Variants in TMEM117 observed in about 807,000 individuals in gnomAD.
TMEM117 encodes the protein transmembrane protein 117.
TMEM117 carries 27 observed loss-of-function variants against 52.4 expected under a neutral mutation model. That is an observed-to-expected ratio of 0.51 (90% confidence interval 0.38 to 0.71). The LOEUF (loss-of-function observed/expected upper bound fraction) is 0.71. TMEM117 is among the 30% of genes least tolerant of loss of function. The pLI, the probability that TMEM117 is intolerant of heterozygous loss-of-function variation, is 0.00. For synonymous variants in TMEM117, 215 were observed against 206.3 expected (o/e 1.04, Z -0.36); for missense variants, 556 against 630.5 (o/e 0.88, Z 1.26).
chr12:44,314,337 C>T (rs1367650866), intron 6 of TMEM117, among the ~76,000 whole-genome samples: 1 of 152,038 alleles, frequency 6.6e-6, no homozygotes, highest in Non-Finnish European at 1.5e-5. Flanking sequence ...GCCTTTTATA[C>T]TTCTATTAAG....
At chr12:43,927,220 G>GT (rs1944793369) in intron 2 of TMEM117, among the ~76,000 whole-genome samples, 1 of 151,844 alleles carries the variant, frequency 6.6e-6, no homozygotes, top group African/African-American at 2.4e-5. Flanking sequence ...TTAACATTTT[G>GT]TTACTAATTT....
chr12:43,999,111 C>G (rs530877154), intron 3 of TMEM117, among the ~76,000 whole-genome samples: 2 of 152,266 alleles, frequency 1.3e-5, no homozygotes, highest in East Asian at 3.9e-4. Flanking sequence ...TTGAAAAACA[C>G]TTTGGCAGTT....
intron 3 of TMEM117, among the ~76,000 whole-genome samples, chr12:44,075,794 A>C (rs1947373117): frequency 6.6e-6 from 1 of 152,152 alleles, no homozygotes; most frequent in African/African-American, 2.4e-5. Flanking sequence ...TTACATGAGA[A>C]TATCTAGGAG....
chr12:44,120,046 A>G (rs1948208293), intron 3 of TMEM117, among the ~76,000 whole-genome samples: 1 of 152,108 alleles, frequency 6.6e-6, no homozygotes. Context: ...TTGAAGAGAG[A>G]GAGAACTCAA....
At position 43,998,571 on chromosome 12, in the gene TMEM117, C is replaced by A. The variant is rs777388661; in HGVS notation, c.410+54229C>A. On this transcript the variant is annotated intron_variant, in intron 3 of 7. Transcript: ENST00000266534. ...ACATATCACATTTTATTTAAGAAAT[C>A]AATTCCAGATGAAGTGTAAGTCTAA... is the stretch of plus-strand genomic sequence containing the variant. Among the ~76,000 whole-genome samples the A allele has an allele frequency of 1.3e-5, 2 of 152,112 alleles. 1 individual carries two copies. The highest frequency in any genetic ancestry group is 4.1e-4 in the South Asian group (2 of 4,822).
At chr12:44,281,309 T>TA (rs1950574155) in intron 5 of TMEM117, among the ~76,000 whole-genome samples, 1 of 152,204 alleles carries the variant, frequency 6.6e-6, no homozygotes, top group South Asian at 2.1e-4. Context: ...TCTGCCTTCC[T>TA]AGCCATTATG....
chr12:44,000,660 AC>A (rs1946102396), intron 3 of TMEM117, among the ~76,000 whole-genome samples: 1 of 152,086 alleles, frequency 6.6e-6, no homozygotes, highest in Non-Finnish European at 1.5e-5. Context: ...GCCCTTGCCC[AC>A]CTCCAGAATG....
upstream of TMEM117, among the ~76,000 whole-genome samples, chr12:43,835,143 C>A (rs959490644): frequency 6.6e-6 from 1 of 152,116 alleles, no homozygotes; most frequent in Non-Finnish European, 1.5e-5. Context: ...TTTCAGCAAC[C>A]GGTAAACTGA....
chr12:43,996,997 C>T (rs1230939009), intron 3 of TMEM117, among the ~76,000 whole-genome samples: 3 of 152,162 alleles, frequency 2.0e-5, no homozygotes, highest in Admixed American at 6.5e-5. Flanking sequence ...CCTGTGATTC[C>T]AGTTGTTCTG....
the TMEM117 span, among the ~76,000 whole-genome samples, chr12:43,822,205 G>T: frequency 6.6e-6 from 1 of 152,200 alleles, no homozygotes; most frequent in Non-Finnish European, 1.5e-5. Flanking sequence ...TTGGCTTTGG[G>T]AAGACAGTTA....
intron 2 of TMEM117, among the ~76,000 whole-genome samples, chr12:43,858,980 C>T (rs2137392077): frequency 6.6e-6 from 1 of 152,028 alleles, no homozygotes; most frequent in East Asian, 1.9e-4. Context: ...TTGAAGGGGG[C>T]AAGAAGTCAA....
the TMEM117 span, chr12:43,798,581 G>T: frequency 6.6e-7 from 1 of 1,522,840 alleles, no homozygotes. Context: ...ATGATCCTCT[G>T]GGCTCTGATT....
chr12:44,278,027 G>A (rs1211882213), intron 5 of TMEM117, among the ~76,000 whole-genome samples: 1 of 152,012 alleles, frequency 6.6e-6, no homozygotes, highest in Non-Finnish European at 1.5e-5. Flanking sequence ...CTCCTAAAGT[G>A]CTGGGATTAC....
At chr12:44,211,219 T>C in intron 4 of TMEM117, 71 bp from the exon 5 acceptor site, 2 of 1,016,370 alleles carry the variant, frequency 2.0e-6, no homozygotes, top group Non-Finnish European at 3.1e-6. Context: ...AGAATGTAAA[T>C]TATAGGCTTA....
chr12:43,814,893 C>CGTGT, the TMEM117 span, among the ~76,000 whole-genome samples: 2 of 151,936 alleles, frequency 1.3e-5, no homozygotes, highest in Non-Finnish European at 2.9e-5. Context: ...TACAGGCACC[C>CGTGT]GCCACCATGC....
intron 5 of TMEM117, among the ~76,000 whole-genome samples, chr12:44,282,484 G>A (rs1029118529): frequency 1.3e-5 from 2 of 152,128 alleles, no homozygotes; most frequent in Non-Finnish European, 2.9e-5. Context: ...GTTGGGAACT[G>A]GAGTAAAGGT....
At position 44,252,514 on chromosome 12, in the gene TMEM117, A is replaced by G. The variant is rs562930021; in HGVS notation, c.608+41127A>G. Among the ~76,000 whole-genome samples, 23 of 152,212 alleles carry G rather than the reference A, an allele frequency of 1.5e-4. No homozygotes were observed. In the South Asian group the frequency reaches 4.1e-3, roughly 27 times the overall value. ...GTGAGACTCTGTCTCAAAAACAAAC[A>G]AACAAACAAACAAAAAACAAAAAGC... On this transcript the variant is annotated intron_variant, in intron 5 of 7. Transcript: ENST00000266534.
chr12:44,216,009 T>C (rs71455475), intron 5 of TMEM117, among the ~76,000 whole-genome samples: 1,487 of 129,852 alleles, frequency 0.011, 8 homozygotes, highest in African/African-American at 0.023. Context: ...TTCTTTCTTT[T>C]TTTTTTTTTT....
intron 5 of TMEM117, among the ~76,000 whole-genome samples, chr12:44,225,127 G>A (rs17094323): frequency 0.1 from 15,767 of 152,146 alleles, 925 homozygotes; most frequent in Middle Eastern, 0.2. Context: ...TTGGGGTAAA[G>A]AAAGGAACAA....
Sources: allele counts gnomAD v4.1 joint callset (sites outside exome capture counted in the v4.1 genomes callset), GRCh38; gene constraint gnomAD v4.1.1; transcripts MANE v1.5; gene names NCBI Gene and HGNC (gene_info 2026-07-23, HGNC 2026-07-21).